SRP19: variants seen among roughly 807,000 people sequenced by gnomAD.
SRP19 encodes signal recognition particle 19 kDa protein.
A neutral mutation model predicts 22.4 loss-of-function variants in SRP19; 11 were observed. That is an observed-to-expected ratio of 0.49 (90% confidence interval 0.31 to 0.81). The LOEUF (loss-of-function observed/expected upper bound fraction) is 0.81, where lower values mean the gene tolerates loss of function less well. SRP19 is among the 40% of genes least tolerant of loss of function. SRP19 has a pLI of 0.05. For missense variants in SRP19, 168 were observed against 175.9 expected, an observed-to-expected ratio of 0.96 and a Z score of 0.25; for synonymous variants, 61 against 57.6, an observed-to-expected ratio of 1.06 and a Z score of -0.27.
chr5:112,871,958 C>T (rs1184701100), downstream of SRP19, among the ~76,000 whole-genome samples: 1 of 152,196 alleles, frequency 6.6e-6, no homozygotes, highest in African/African-American at 2.4e-5. Context: ...GCATCCTCTA[C>T]TCACTTCTTA....
At position 112,867,796 on chromosome 5, in the gene SRP19, A is replaced by G. The variant is rs560123002; in HGVS notation, c.*259A>G. On this transcript the variant is annotated 3_prime_UTR_variant, in exon 5 of 5. Coordinates refer to ENST00000505459, the MANE Select transcript of SRP19 (RefSeq NM_003135.3). Reference sequence around the variant, plus strand: ...GGAAGAAAATATTTTTAAATGGACAATGGACTGTACAATAAGTTACTTGAA... The same window carrying G: ...GGAAGAAAATATTTTTAAATGGACAGTGGACTGTACAATAAGTTACTTGAA... 60 of 1,178,596 alleles carry G rather than the reference A, an allele frequency of 5.1e-5. No individual in the cohort carries two copies. The highest frequency in any genetic ancestry group is 9.3e-5 in the African/African-American group (6 of 64,366). The allele number at this position is 1,178,596 out of a possible 1,614,324, so 73.0% of individuals were successfully genotyped here.
At chr5:112,881,874 C>T (rs577640190) in intron 4 of SRP19, 1 of 152,174 alleles carries the variant, frequency 6.6e-6, no homozygotes, top group African/African-American at 2.4e-5. Context: ...AGGTGATCCT[C>T]CCATCTCAGC....
chr5:112,897,384 CACACACACACAAAT>C (rs1768723860), downstream of SRP19: 1 of 139,004 alleles, frequency 7.2e-6, no homozygotes, highest in Non-Finnish European at 1.6e-5. Context: ...CACACACACA[CACACACACACAAAT>C]GTAAACAGTA....
downstream of SRP19, among the ~76,000 whole-genome samples, chr5:112,871,554 C>T (rs1012560610): frequency 3.3e-5 from 5 of 151,908 alleles, no homozygotes; most frequent in East Asian, 7.7e-4. Context: ...GTCAGGAGTT[C>T]GAGACCAGCC....
At chr5:112,897,335 C>A (rs532185029), downstream of SRP19, 2 of 147,142 alleles carry the variant, frequency 1.4e-5, no homozygotes, top group African/African-American at 5.1e-5. Context: ...TTCCTCCCTA[C>A]ATAAAACACA....
intron 4 of SRP19, chr5:112,877,277 TATCTC>T (rs1234616488): frequency 6.6e-6 from 1 of 152,220 alleles, no homozygotes; most frequent in Non-Finnish European, 1.5e-5. Context: ...ACCTGATTGT[TATCTC>T]AAGGTGAGCT....
intron 4 of SRP19, among the ~76,000 whole-genome samples, chr5:112,888,883 C>G (rs769473501): frequency 4.0e-5 from 6 of 150,676 alleles, no homozygotes; most frequent in Non-Finnish European, 7.4e-5. Context: ...TCCCATAATT[C>G]TCATGTGTTG....
chr5:112,884,729 G>C (rs1399634666), intron 4 of SRP19, among the ~76,000 whole-genome samples: 1 of 151,834 alleles, frequency 6.6e-6, no homozygotes. Context: ...TTCTGGTATA[G>C]ATTTCCTAAA....
At chr5:112,870,331 A>G (rs1388356747), downstream of SRP19, among the ~76,000 whole-genome samples, 1 of 152,092 alleles carries the variant, frequency 6.6e-6, no homozygotes. Flanking sequence ...CAAAAAAAAG[A>G]ATTAGCTGGG....
At chr5:112,882,436 C>A (rs1476011138) in intron 4 of SRP19, among the ~76,000 whole-genome samples, 1 of 152,194 alleles carries the variant, frequency 6.6e-6, no homozygotes, top group Non-Finnish European at 1.5e-5. Flanking sequence ...TCCACAGTCC[C>A]ACCCTCACTT....
chr5:112,868,187 G>A lies in SRP19; in HGVS notation c.*650G>A. 11 of 985,430 alleles carry A rather than the reference G, an allele frequency of 1.1e-5. No homozygotes were observed. Among genetic ancestry groups the A allele is most frequent in the Non-Finnish European group, 1.3e-5 (11 of 829,922 alleles). The allele number at this position is 985,430 out of a possible 1,614,324, so 61.0% of individuals were successfully genotyped here. ...GTAGGTTTAAGAACATGATTTTCATGGGAGTTGTAAAATTAACTGTGCTTT... is the reference window on the plus strand; with the variant it reads ...GTAGGTTTAAGAACATGATTTTCATAGGAGTTGTAAAATTAACTGTGCTTT... On this transcript the variant is annotated 3_prime_UTR_variant, in exon 5 of 5. Coordinates refer to ENST00000505459, the MANE Select transcript of SRP19 (RefSeq NM_003135.3).
chr5:112,888,924 C>T (rs1404155706), intron 4 of SRP19, among the ~76,000 whole-genome samples: 2 of 150,788 alleles, frequency 1.3e-5, no homozygotes, highest in African/African-American at 4.9e-5. Context: ...ATAACTGAAT[C>T]ATGGGGGTGG....
intron 4 of SRP19, among the ~76,000 whole-genome samples, chr5:112,888,083 CAG>C (rs1561648789): frequency 6.6e-6 from 1 of 152,206 alleles, no homozygotes; most frequent in East Asian, 1.9e-4. Flanking sequence ...TACAAAAAAA[CAG>C]AAGTCACTTA....
chr5:112,878,173 C>T (rs991802649), intron 4 of SRP19: 1 of 152,622 alleles, frequency 6.6e-6, no homozygotes. Context: ...ATATTAATCA[C>T]GTATTTCCTA....
At chr5:112,864,321 C>T in intron 2 of SRP19, 136 bp from the exon 3 acceptor site, 1 of 687,096 alleles carries the variant, frequency 1.5e-6, no homozygotes, top group Non-Finnish European at 2.5e-6. Context: ...ACAATAGAAG[C>T]ATCTGTACTT....
chr5:112,887,119 C>T (rs138223212), intron 4 of SRP19: 67 of 1,613,426 alleles, frequency 4.2e-5, no homozygotes, highest in Middle Eastern at 3.5e-4. Flanking sequence ...ACGGATGATG[C>T]GCTTGTAGAG....
At chr5:112,879,247 T>G (rs116092584) in intron 4 of SRP19, among the ~76,000 whole-genome samples, 1,974 of 147,202 alleles carry the variant, frequency 0.013, 53 homozygotes, top group African/African-American at 0.047. Flanking sequence ...TAGGTCATCA[T>G]ATTTATCCCA....
intron 4 of SRP19, among the ~76,000 whole-genome samples, chr5:112,879,106 T>C (rs937743847): frequency 6.6e-6 from 1 of 152,100 alleles, no homozygotes; most frequent in African/African-American, 2.4e-5. Flanking sequence ...ACCGAAACTG[T>C]CTGCCCTCTA....
downstream of SRP19, chr5:112,894,124 G>GTTTTTTTTTTT (rs199564515): frequency 5.6e-5 from 8 of 141,744 alleles, no homozygotes; most frequent in Admixed American, 1.4e-4. Context: ...GGTTTTTTTT[G>GTTTTTTTTTTT]TTTTTTTTTT....
Sources: gnomAD v4.1 joint callset for allele counts (sites outside exome capture counted in the v4.1 genomes callset) on GRCh38, gnomAD v4.1.1 for gene constraint, MANE v1.5 for transcripts, NCBI Gene and HGNC (gene_info 2026-07-23, HGNC 2026-07-21) for gene names.